Variants in TOM1L2 observed in about 807,000 individuals in gnomAD.
The protein encoded by TOM1L2 is TOM1-like protein 2.
TOM1L2 carries 31 observed loss-of-function variants against 67.9 expected under a neutral mutation model. The observed-to-expected ratio is 0.46, with a 90% confidence interval of 0.34 to 0.62. The LOEUF (loss-of-function observed/expected upper bound fraction) is 0.62, where lower values mean the gene tolerates loss of function less well. TOM1L2 is among the 20% of genes least tolerant of loss of function. The pLI, the probability that TOM1L2 is intolerant of heterozygous loss-of-function variation, is 0.01. For missense variants in TOM1L2, 606 were observed against 663.5 expected, an observed-to-expected ratio of 0.91 and a Z score of 0.95; for synonymous variants, 256 against 254.0, an observed-to-expected ratio of 1.01 and a Z score of -0.07.
At chr17:17,853,353 C>G (rs2036093919) in intron 12 of TOM1L2, among the ~76,000 whole-genome samples, 1 of 152,192 alleles carries the variant, frequency 6.6e-6, no homozygotes, top group Admixed American at 6.5e-5. Flanking sequence ...CAATGTGTTG[C>G]AAAAGCTACA....
chr17:17,957,215 A>G (rs1376137258), intron 1 of TOM1L2, among the ~76,000 whole-genome samples: 2 of 152,194 alleles, frequency 1.3e-5, no homozygotes, highest in Non-Finnish European at 2.9e-5. Flanking sequence ...TTTTGGCCTC[A>G]AGCAATCCTC....
intron 1 of TOM1L2, among the ~76,000 whole-genome samples, chr17:17,926,975 C>T (rs2040117012): frequency 6.6e-6 from 1 of 152,238 alleles, no homozygotes; most frequent in African/African-American, 2.4e-5. Flanking sequence ...AGACTTATCA[C>T]ACACAGGTTG....
chr17:17,875,466 G>C (rs531588569), intron 7 of TOM1L2, among the ~76,000 whole-genome samples: 2 of 152,102 alleles, frequency 1.3e-5, no homozygotes, highest in African/African-American at 4.8e-5. Flanking sequence ...TTCTCTTTGG[G>C]CCTAAGACAC....
chr17:17,870,400 C>T (rs1019181961), intron 7 of TOM1L2, among the ~76,000 whole-genome samples: 5 of 152,282 alleles, frequency 3.3e-5, no homozygotes, highest in South Asian at 4.1e-4. Context: ...CTTGCCATCT[C>T]GATGCCAGAC....
At chr17:17,851,900 CAG>C (rs2035999868) in intron 12 of TOM1L2, among the ~76,000 whole-genome samples, 1 of 152,170 alleles carries the variant, frequency 6.6e-6, no homozygotes, top group African/African-American at 2.4e-5. Flanking sequence ...ACCTCAGGGA[CAG>C]AGACTCTGAA....
At chr17:17,902,560 A>G (rs1218089255) in intron 2 of TOM1L2, among the ~76,000 whole-genome samples, 1 of 152,238 alleles carries the variant, frequency 6.6e-6, no homozygotes, top group Non-Finnish European at 1.5e-5. Context: ...TCACTACCAT[A>G]TAGAACTGTT....
At chr17:17,941,948 A>G (rs963385749) in intron 1 of TOM1L2, among the ~76,000 whole-genome samples, 1 of 152,158 alleles carries the variant, frequency 6.6e-6, no homozygotes, top group Non-Finnish European at 1.5e-5. Context: ...ACACAGCAAG[A>G]CCTCATCTCT....
At chr17:17,862,893 G>C (rs748630488) in intron 10 of TOM1L2, 45 bp from the exon 11 acceptor site, 1 of 1,364,764 alleles carries the variant, frequency 7.3e-7, no homozygotes, top group South Asian at 1.1e-5. Context: ...ACAAAATGTA[G>C]ACTGTAGATC....
chr17:17,944,814 A>C (rs1287181514), intron 1 of TOM1L2, among the ~76,000 whole-genome samples: 1 of 152,226 alleles, frequency 6.6e-6, no homozygotes, highest in Admixed American at 6.5e-5. Flanking sequence ...ATGCTTAGCG[A>C]CAAGGCCTAA....
At chr17:17,882,886 C>G (rs111583947) in intron 5 of TOM1L2, 23 bp from the exon 6 acceptor site, 1 of 1,612,916 alleles carries the variant, frequency 6.2e-7, no homozygotes, top group Non-Finnish European at 8.5e-7. Flanking sequence ...CAACAAAGTC[C>G]TCTGTTTACC....
chr17:17,869,528 C>T (rs1040895563), intron 7 of TOM1L2, 55 bp from the exon 8 acceptor site: 3 of 1,540,338 alleles, frequency 1.9e-6, no homozygotes, highest in African/African-American at 2.8e-5. Context: ...TCGTCACATT[C>T]TATCTCCTTT....
Position 17,847,308 on chromosome 17 carries a change from A to G in TOM1L2, c.*327T>C. The G allele has an allele frequency of 3.0e-6, 1 of 330,442 alleles. No homozygotes were observed. Among genetic ancestry groups the G allele is most frequent in the Non-Finnish European group, 5.6e-6 (1 of 178,702 alleles). The allele number at this position is 330,442 out of a possible 1,614,324, so 20.5% of individuals were successfully genotyped here. On this transcript the variant is annotated 3_prime_UTR_variant, in exon 15 of 15. Coordinates refer to ENST00000379504, the MANE Select transcript of TOM1L2 (RefSeq NM_001082968.2). ...GTGCTCTTTCTCCATGGGCGGGTGGAGGAAAGACAGTCCGGGTGGTCTGCT... is the reference window on the plus strand; with the variant it reads ...GTGCTCTTTCTCCATGGGCGGGTGGGGGAAAGACAGTCCGGGTGGTCTGCT...
chr17:17,861,442 G>A (rs750569886), intron 12 of TOM1L2, 34 bp downstream of exon 12: 2 of 1,599,998 alleles, frequency 1.3e-6, no homozygotes, highest in African/African-American at 1.3e-5. Flanking sequence ...CCCTCCAGAA[G>A]ACTCCAGGCA....
intron 7 of TOM1L2, among the ~76,000 whole-genome samples, chr17:17,874,020 A>G (rs1002038093): frequency 5.3e-5 from 8 of 151,848 alleles, no homozygotes; most frequent in Non-Finnish European, 1.2e-4. Context: ...CAGTGGCACA[A>G]TCTCGGCTCA....
intron 14 of TOM1L2, among the ~76,000 whole-genome samples, chr17:17,848,265 T>A (rs1197048521): frequency 6.6e-6 from 1 of 152,092 alleles, no homozygotes; most frequent in African/African-American, 2.4e-5. Flanking sequence ...TTTCCCTCCC[T>A]GCGGAGCGGT....
At chr17:17,942,846 TG>T (rs1469237764) in intron 1 of TOM1L2, among the ~76,000 whole-genome samples, 8 of 152,242 alleles carry the variant, frequency 5.3e-5, no homozygotes, top group African/African-American at 1.7e-4. Flanking sequence ...AGCCCTGGGA[TG>T]GGCCATCACC....
In TOM1L2 at chr17:17,909,909, G is replaced by A. The variant is rs2039269177; in HGVS notation, c.53-2378C>T. 5.3e-5 allele frequency among the ~76,000 whole-genome samples: 8 copies of A among 152,168 alleles called. No homozygotes were observed. In the South Asian group the frequency reaches 1.7e-3, roughly 32 times the overall value. ...CTGGGCATAGTGGCTTGTGCCTGTGGTCCTAACTACTAATGAGGCTGAGGC... is the reference window on the plus strand; with the variant it reads ...CTGGGCATAGTGGCTTGTGCCTGTGATCCTAACTACTAATGAGGCTGAGGC... On this transcript the variant is annotated intron_variant, in intron 1 of 14. Transcript: ENST00000379504.
chr17:17,948,669 C>T (rs2041055929), intron 1 of TOM1L2, among the ~76,000 whole-genome samples: 1 of 152,018 alleles, frequency 6.6e-6, no homozygotes, highest in Non-Finnish European at 1.5e-5. Flanking sequence ...AAAGGTGGCC[C>T]TTTCTTAGAG....
At chr17:17,954,885 G>A (rs1044472064) in intron 1 of TOM1L2, among the ~76,000 whole-genome samples, 7 of 152,148 alleles carry the variant, frequency 4.6e-5, no homozygotes, top group East Asian at 3.8e-4. Context: ...CAGATACTAC[G>A]CTCTAAGGCC....
Sources: allele counts gnomAD v4.1 joint callset (sites outside exome capture counted in the v4.1 genomes callset), GRCh38; gene constraint gnomAD v4.1.1; transcripts MANE v1.5; gene names NCBI Gene and HGNC (gene_info 2026-07-23, HGNC 2026-07-21).